The following LRRC7 variants were observed in gnomAD, a reference collection of about 807,000 sequenced individuals.
LRRC7 encodes the protein leucine rich repeat containing 7.
In LRRC7, 23 loss-of-function variants were observed where a neutral mutation model predicts 175.7. That is an observed-to-expected ratio of 0.13 (90% CI 0.09 to 0.19). The LOEUF (loss-of-function observed/expected upper bound fraction) is 0.19, where lower values mean the gene tolerates loss of function less well. Ranked by LOEUF, LRRC7 falls within the 10% of genes least tolerant of loss-of-function variation. The probability of loss-of-function intolerance (pLI) is 1.00; values close to 1 mark genes in which losing one functional copy is unlikely to be tolerated. For synonymous variants in LRRC7, 685 were observed against 680.9 expected, an observed-to-expected ratio of 1.01 and a Z score of -0.09; for missense variants, 1,354 against 1,904.7, an observed-to-expected ratio of 0.71 and a Z score of 5.38.
chr1:69,968,514 G>T (rs1216830708), intron 8 of LRRC7, among the ~76,000 whole-genome samples: 1 of 152,172 alleles, frequency 6.6e-6, no homozygotes, highest in Non-Finnish European at 1.5e-5. Flanking sequence ...ATTATCTAAA[G>T]TTAAGACAAA....
At chr1:69,698,925 G>C (rs1662971482) in intron 2 of LRRC7, among the ~76,000 whole-genome samples, 1 of 152,076 alleles carries the variant, frequency 6.6e-6, no homozygotes, top group African/African-American at 2.4e-5. Flanking sequence ...GTAACTCTCT[G>C]TCTGTCTGAC....
chr1:70,034,154 A>G (rs1173533863), intron 18 of LRRC7, among the ~76,000 whole-genome samples: 9 of 152,170 alleles, frequency 5.9e-5, no homozygotes, highest in Non-Finnish European at 1.3e-4. Context: ...TATGCCTTTC[A>G]GGGTACTGTT....
chr1:69,693,416 G>T (rs1662152281), intron 2 of LRRC7, among the ~76,000 whole-genome samples: 1 of 152,182 alleles, frequency 6.6e-6, no homozygotes, highest in African/African-American at 2.4e-5. Context: ...TGGCTCCCAT[G>T]ATTTTGGAGA....
At chr1:69,943,987 CAACAT>C (rs1306202182) in intron 8 of LRRC7, among the ~76,000 whole-genome samples, 1 of 146,376 alleles carries the variant, frequency 6.8e-6, no homozygotes, top group Non-Finnish European at 1.5e-5. Flanking sequence ...CACACACACA[CAACAT>C]GAGATTTACC....
At chr1:69,948,868 C>T (rs1235698224) in intron 8 of LRRC7, among the ~76,000 whole-genome samples, 1 of 152,126 alleles carries the variant, frequency 6.6e-6, no homozygotes, top group African/African-American at 2.4e-5. Context: ...ATTGTGCCAA[C>T]CTGAAGTTAG....
intron 8 of LRRC7, among the ~76,000 whole-genome samples, chr1:69,972,880 A>G (rs1652390147): frequency 1.3e-5 from 2 of 149,512 alleles, no homozygotes; most frequent in African/African-American, 4.9e-5. Flanking sequence ...AGTGCCCATC[A>G]ATGAGTGGAT....
chr1:70,016,244 T>C (rs185586517), intron 13 of LRRC7, among the ~76,000 whole-genome samples: 1 of 152,174 alleles, frequency 6.6e-6, no homozygotes, highest in African/African-American at 2.4e-5. Flanking sequence ...GCTCTAACCA[T>C]ACATGTTAAA....
chr1:70,068,439 T>C (rs994505969), intron 23 of LRRC7, among the ~76,000 whole-genome samples: 1 of 152,278 alleles, frequency 6.6e-6, no homozygotes, highest in East Asian at 1.9e-4. Context: ...TTTGTATCAC[T>C]AGAATAAACA....
chr1:69,884,223 G>A (rs1386222181), intron 7 of LRRC7, among the ~76,000 whole-genome samples: 2 of 82,986 alleles, frequency 2.4e-5, no homozygotes, highest in Admixed American at 2.6e-4. Context: ...CCATTTTCAC[G>A]ATATTGATTC....
Position 69,887,446 on chromosome 1 carries a change from C to G in LRRC7, c.648-44061C>G, listed in dbSNP as rs1200349988. On this transcript the variant is annotated intron_variant, in intron 7 of 26. Transcript: ENST00000651989. ...GCTTCTGCATTCTTCACGTAGTTCT[C>G]GAGCCTTGGTTTTCAGCTCCATCAG... Among the ~76,000 whole-genome samples, 122 of 144,398 alleles carry G rather than the reference C, an allele frequency of 8.4e-4. 1 individual carries two copies. Among genetic ancestry groups the G allele is most frequent in the African/African-American group, 3.0e-3 (113 of 37,142 alleles). 94.7% of individuals were successfully genotyped at this position (144,398 alleles called of 152,430 possible). A position where few individuals can be genotyped will look rare whatever the true frequency, so the allele number is the denominator to read the frequency against.
chr1:70,004,376 C>T (rs17506335), intron 11 of LRRC7, among the ~76,000 whole-genome samples: 10,567 of 152,146 alleles, frequency 0.069, 510 homozygotes, highest in Non-Finnish European at 0.1. Context: ...AAACTTGATT[C>T]CTAGCCTAAA....
intron 23 of LRRC7, among the ~76,000 whole-genome samples, chr1:70,069,205 A>C (rs1662199704): frequency 6.6e-6 from 1 of 152,224 alleles, no homozygotes; most frequent in Non-Finnish European, 1.5e-5. Flanking sequence ...TAATTGACTC[A>C]GTTCCACATT....
intron 7 of LRRC7, among the ~76,000 whole-genome samples, chr1:69,867,044 A>C (rs1354684683): frequency 6.6e-6 from 1 of 152,164 alleles, no homozygotes; most frequent in African/African-American, 2.4e-5. Flanking sequence ...GAACTTTATA[A>C]AATTATCATA....
At chr1:69,882,185 A>T (rs6661139) in intron 7 of LRRC7, among the ~76,000 whole-genome samples, 21,441 of 152,066 alleles carry the variant, frequency 0.14, 2,239 homozygotes, top group African/African-American at 0.3. Flanking sequence ...TTATCACAGT[A>T]TACCAGTTAG....
chr1:69,713,055 T>C (rs983967707), intron 2 of LRRC7, among the ~76,000 whole-genome samples: 2 of 152,190 alleles, frequency 1.3e-5, no homozygotes. Flanking sequence ...ACAACAAGAA[T>C]GTAATAGTTT....
chr1:70,035,559 G>A (rs1659216200), intron 18 of LRRC7, among the ~76,000 whole-genome samples: 1 of 148,018 alleles, frequency 6.8e-6, no homozygotes, highest in Admixed American at 6.8e-5. Context: ...AGAAAGTTAG[G>A]AGGAAAGCGG....
intron 23 of LRRC7, among the ~76,000 whole-genome samples, chr1:70,059,054 C>A (rs923580631): frequency 6.6e-6 from 1 of 152,098 alleles, no homozygotes; most frequent in Non-Finnish European, 1.5e-5. Context: ...CCAATGAAAC[C>A]AAACACTTCG....
rs1666456231 is a variant in LRRC7 at position 70,126,374 on chromosome 1, G to C, written c.*4487G>C. Among the ~76,000 whole-genome samples the C allele has an allele frequency of 6.6e-6, 1 of 152,020 alleles. No individual in the cohort carries two copies. The highest frequency in any genetic ancestry group is 2.1e-4 in the South Asian group (1 of 4,816). ...TAGTATAAAGAAAAGCGGGGTTGAA[G>C]TTCCACTGTAGTTCCTTTCACAGAA... On this transcript the variant is annotated 3_prime_UTR_variant, in exon 27 of 27. Transcript: ENST00000651989.
intron 1 of LRRC7, among the ~76,000 whole-genome samples, chr1:69,666,390 T>C (rs560167403): frequency 6.6e-6 from 1 of 152,192 alleles, no homozygotes; most frequent in South Asian, 2.1e-4. Flanking sequence ...TTGAGTAGAA[T>C]TGGTATTATT....
Sources: gnomAD v4.1 joint callset for allele counts (sites outside exome capture counted in the v4.1 genomes callset) on GRCh38, gnomAD v4.1.1 for gene constraint, MANE v1.5 for transcripts, NCBI Gene and HGNC (gene_info 2026-07-23, HGNC 2026-07-21) for gene names.